Variants in YAP1 observed in about 807,000 individuals in gnomAD.
The protein encoded by YAP1 is Yes1 associated transcriptional regulator.
In YAP1, 5 loss-of-function variants were observed where a neutral mutation model predicts 56.9. The observed-to-expected ratio is 0.09, with a 90% CI of 0.05 to 0.18. YAP1 has a LOEUF of 0.18. Among genes scored for constraint, YAP1 ranks in the 10% least tolerant of loss-of-function variants. The probability of loss-of-function intolerance (pLI) is 1.00; values close to 1 mark genes in which losing one functional copy is unlikely to be tolerated. For synonymous variants in YAP1, 265 were observed against 248.1 expected (o/e 1.07, Z -0.64); for missense variants, 539 against 651.8 (o/e 0.83, Z 1.88).
At chr11:102,210,635 C>T (rs1248707173) in intron 6 of YAP1, among the ~76,000 whole-genome samples, 6 of 152,180 alleles carry the variant, frequency 3.9e-5, no homozygotes, top group Admixed American at 6.5e-5. Flanking sequence ...GATGAGGGGG[C>T]ACTAATATAC....
chr11:102,133,049 T>C (rs1288710401), intron 2 of YAP1, among the ~76,000 whole-genome samples: 1 of 152,000 alleles, frequency 6.6e-6, no homozygotes, highest in Non-Finnish European at 1.5e-5. Context: ...TCCCAGCTAC[T>C]CTGGAGGCTG....
At chr11:102,181,606 T>C (rs747895598) in intron 3 of YAP1, among the ~76,000 whole-genome samples, 1 of 151,976 alleles carries the variant, frequency 6.6e-6, no homozygotes, top group South Asian at 2.1e-4. Context: ...AATAAATAAA[T>C]AAAATTTAAA....
chr11:102,120,772 G>C (rs779103524), intron 2 of YAP1, among the ~76,000 whole-genome samples: 16 of 152,194 alleles, frequency 1.1e-4, no homozygotes, highest in Non-Finnish European at 5.9e-5. Context: ...CTGCAGATTT[G>C]ATTTGGGATT....
chr11:102,225,734 T>C (rs1004573452), intron 7 of YAP1, among the ~76,000 whole-genome samples: 5 of 152,204 alleles, frequency 3.3e-5, no homozygotes, highest in Admixed American at 6.5e-5. Flanking sequence ...GCACTGTGCT[T>C]ACATCTGAGT....
intron 4 of YAP1, among the ~76,000 whole-genome samples, chr11:102,194,618 A>G (rs1251815983): frequency 6.6e-6 from 1 of 152,236 alleles, no homozygotes; most frequent in Non-Finnish European, 1.5e-5. Flanking sequence ...GGTAAAAGGT[A>G]CTAAACAATG....
At position 102,208,723 on chromosome 11, in the gene YAP1, T is replaced by C. The variant is rs115295005; in HGVS notation, c.985-794T>C. 3.7e-3 allele frequency among the ~76,000 whole-genome samples: 560 copies of C among 152,236 alleles called. 2 individuals are homozygous for C. The highest frequency in any genetic ancestry group is 0.013 in the African/African-American group (530 of 41,538). ...CCGAGTAGTAGTTGTTCTAAGTAAA[T>C]ACAGGTCTCAATTTCACTATGAATA... On this transcript the variant is annotated intron_variant, in intron 5 of 8. Coordinates refer to ENST00000282441, the MANE Select transcript of YAP1 (RefSeq NM_001130145.3).
chr11:102,114,118 T>C, intron 1 of YAP1, 26 bp from the exon 2 acceptor site: 1 of 1,554,316 alleles, frequency 6.4e-7, no homozygotes, highest in South Asian at 1.2e-5. Context: ...TCTTTTTTAA[T>C]TTTTCATCTT....
intron 6 of YAP1, among the ~76,000 whole-genome samples, chr11:102,216,940 A>C (rs982426623): frequency 3.9e-5 from 6 of 152,250 alleles, no homozygotes; most frequent in Admixed American, 1.3e-4. Flanking sequence ...AATAATACAA[A>C]AATGTGGTAG....
At chr11:102,151,568 T>C (rs189803682) in intron 2 of YAP1, among the ~76,000 whole-genome samples, 1 of 152,306 alleles carries the variant, frequency 6.6e-6, no homozygotes, top group Admixed American at 6.5e-5. Flanking sequence ...CCTCTGTCAT[T>C]TTATATTCAA....
chr11:102,225,128 A>G (rs1950132276), intron 7 of YAP1, among the ~76,000 whole-genome samples: 1 of 152,076 alleles, frequency 6.6e-6, no homozygotes, highest in African/African-American at 2.4e-5. Flanking sequence ...CATTCTCTGC[A>G]GTACCCCCAG....
At chr11:102,172,681 G>A (rs1443138903) in intron 3 of YAP1, among the ~76,000 whole-genome samples, 2 of 152,012 alleles carry the variant, frequency 1.3e-5, no homozygotes, top group Non-Finnish European at 2.9e-5. Context: ...TATGAGAACG[G>A]ATATACAATG....
rs112117152 is a variant in YAP1, at chr11:102,110,608, C to T, written c.-241C>T. 4.2e-6 allele frequency: 1 copy of T among 240,596 alleles called. No individual in the cohort carries two copies. Among genetic ancestry groups the T allele is most frequent in the East Asian group, 1.0e-4 (1 of 10,050 alleles). 14.9% of individuals were successfully genotyped at this position (240,596 alleles called of 1,614,324 possible). A position where few individuals can be genotyped will look rare whatever the true frequency, so the allele number is the denominator to read the frequency against. On this transcript the variant is annotated 5_prime_UTR_variant, in exon 1 of 9. Transcript: ENST00000282441. ...TCTCAGGCGCCGCAGGTCCGAGTGC[C>T]TCGCAGCCCCTCCCGAGGCGCAGCC...
At chr11:102,182,238 C>A (rs1457052226) in intron 3 of YAP1, among the ~76,000 whole-genome samples, 1 of 152,142 alleles carries the variant, frequency 6.6e-6, no homozygotes, top group Non-Finnish European at 1.5e-5. Flanking sequence ...TTTTAACAAA[C>A]CTTCCAGGTG....
At chr11:102,171,748 T>A (rs1034795194) in intron 3 of YAP1, among the ~76,000 whole-genome samples, 2 of 152,224 alleles carry the variant, frequency 1.3e-5, no homozygotes, top group African/African-American at 4.8e-5. Flanking sequence ...AATGATTTTT[T>A]AAGCAGTTTC....
chr11:102,164,111 C>T (rs752319798), intron 3 of YAP1, among the ~76,000 whole-genome samples: 1 of 151,168 alleles, frequency 6.6e-6, no homozygotes, highest in Non-Finnish European at 1.5e-5. Context: ...GGTCTCAGCT[C>T]ACTGCAACCT....
At chr11:102,200,069 AAAT>A (rs2092805023) in intron 4 of YAP1, among the ~76,000 whole-genome samples, 2 of 152,400 alleles carry the variant, frequency 1.3e-5, no homozygotes, top group South Asian at 4.1e-4. Flanking sequence ...TGTACATACT[AAAT>A]AATGTTTATA....
chr11:102,188,004 G>C (rs1948071474), intron 4 of YAP1, among the ~76,000 whole-genome samples: 3 of 152,144 alleles, frequency 2.0e-5, no homozygotes, highest in Admixed American at 1.3e-4. Flanking sequence ...TTCACTCAGA[G>C]AGCTCAAGTG....
Position 102,205,867 on chromosome 11 carries a change from A to G in YAP1, c.803-26A>G. 3 of 1,477,596 alleles carry G rather than the reference A, an allele frequency of 2.0e-6. No homozygotes were observed. In the South Asian group the frequency reaches 4.3e-5, roughly 21 times the overall value. 91.5% of individuals were successfully genotyped at this position (1,477,596 alleles called of 1,614,324 possible). On this transcript the variant is annotated intron_variant, in intron 4 of 8. Transcript: ENST00000282441. ...TCTTCCTTCACTAGTTTTTTAGGAC[A>G]GATTTTTTTTTTCTTTTCATTTCAG...
intron 6 of YAP1, 48 bp from the exon 7 acceptor site, chr11:102,223,574 A>G (rs1397000613): frequency 6.3e-7 from 1 of 1,590,172 alleles, no homozygotes; most frequent in South Asian, 1.1e-5. Flanking sequence ...CCTAACATTA[A>G]ATGTGTTAAT....
Sources: allele counts gnomAD v4.1 joint callset (sites outside exome capture counted in the v4.1 genomes callset), GRCh38; gene constraint gnomAD v4.1.1; transcripts MANE v1.5; gene names NCBI Gene and HGNC (gene_info 2026-07-23, HGNC 2026-07-21).